Variants in RARS2 observed in about 807,000 individuals in gnomAD.
RARS2 encodes probable arginine--tRNA ligase, mitochondrial.
In RARS2, 67 loss-of-function variants were observed where a neutral mutation model predicts 88.5. The ratio of observed to expected loss-of-function variants is 0.76; its 90% CI spans 0.62 to 0.93. The LOEUF is 0.93. Ranked by LOEUF, RARS2 falls within the 40% of genes least tolerant of loss-of-function variation. The probability of loss-of-function intolerance (pLI) is 0.00; values close to 1 mark genes in which losing one functional copy is unlikely to be tolerated. For missense variants in RARS2, 664 were observed against 684.2 expected (o/e 0.97, Z 0.33); for synonymous variants, 239 against 230.3 (o/e 1.04, Z -0.34).
At chr6:87,542,395 A>T (rs997493288) in intron 7 of RARS2, among the ~76,000 whole-genome samples, 8 of 152,196 alleles carry the variant, frequency 5.3e-5, no homozygotes, top group African/African-American at 1.7e-4. Context: ...AAAATTTATT[A>T]AAAAAACTGA....
intron 8 of RARS2, among the ~76,000 whole-genome samples, chr6:87,539,369 C>T (rs1780192476): frequency 6.6e-6 from 1 of 152,210 alleles, no homozygotes. Flanking sequence ...CCTGTCATAA[C>T]ATCCTTAAAT....
intron 18 of RARS2, 83 bp downstream of exon 18, chr6:87,516,723 G>T: frequency 6.4e-7 from 1 of 1,571,592 alleles, no homozygotes. Flanking sequence ...TTTAGGCCAA[G>T]GAATTTGTTT....
chr6:87,577,500 T>C (rs1287278470), intron 1 of RARS2, among the ~76,000 whole-genome samples: 1 of 152,176 alleles, frequency 6.6e-6, no homozygotes, highest in Non-Finnish European at 1.5e-5. Flanking sequence ...CTCAGTCTTA[T>C]TTCTAAACAT....
chr6:87,559,437 T>G (rs910048793), intron 4 of RARS2, among the ~76,000 whole-genome samples: 12 of 125,168 alleles, frequency 9.6e-5, no homozygotes, highest in Non-Finnish European at 1.6e-4. Context: ...CACTCCAGCC[T>G]GGGCAACAAG....
intron 1 of RARS2, among the ~76,000 whole-genome samples, chr6:87,583,254 A>G (rs1774145960): frequency 6.6e-6 from 1 of 152,202 alleles, no homozygotes; most frequent in Non-Finnish European, 1.5e-5. Flanking sequence ...AACTTTTTAT[A>G]AGTCTGAAAT....
chr6:87,550,438 TA>T (rs1309166554), intron 5 of RARS2, among the ~76,000 whole-genome samples: 2 of 151,976 alleles, frequency 1.3e-5, no homozygotes. Context: ...TTTAAATCAA[TA>T]ATCTGAGCTT....
chr6:87,571,205 T>C lies in RARS2; in HGVS notation c.37-1615A>G, dbSNP rs1271927108. Among the ~76,000 whole-genome samples the C allele has an allele frequency of 2.6e-5, 4 of 152,198 alleles. No homozygotes were observed. In the East Asian group the frequency reaches 7.7e-4, roughly 29 times the overall value. Reference sequence around the variant, plus strand: ...TTCTGTTTTCGTGACAGTGAGTTAGTTCTCACGAGATCTGATGGTTTTAAA... The same window carrying C: ...TTCTGTTTTCGTGACAGTGAGTTAGCTCTCACGAGATCTGATGGTTTTAAA... On this transcript the variant is annotated intron_variant, in intron 1 of 19. Transcript: ENST00000369536.
chr6:87,589,509 G>A (rs889481773), intron 1 of RARS2, among the ~76,000 whole-genome samples: 3 of 152,152 alleles, frequency 2.0e-5, no homozygotes, highest in African/African-American at 7.2e-5. Context: ...GGCTGCCTAA[G>A]TGACTGCAAG....
intron 5 of RARS2, 88 bp from the exon 6 acceptor site, chr6:87,548,734 CTG>C: frequency 1.6e-6 from 2 of 1,244,724 alleles, no homozygotes; most frequent in Non-Finnish European, 2.3e-6. Flanking sequence ...TTTGACAAAA[CTG>C]TGGAGTATGG....
chr6:87,589,116 A>G (rs1349368893), intron 1 of RARS2, among the ~76,000 whole-genome samples: 3 of 152,252 alleles, frequency 2.0e-5, no homozygotes, highest in Non-Finnish European at 4.4e-5. Flanking sequence ...TAGTACATCC[A>G]TTAATCAGAA....
At chr6:87,564,563 G>A in intron 2 of RARS2, 1 of 373,942 alleles carries the variant, frequency 2.7e-6, no homozygotes, top group Non-Finnish European at 5.1e-6. Flanking sequence ...CAGCTGCTTG[G>A]GAGACTGAGG....
chr6:87,519,402 G>T (rs181054843), intron 14 of RARS2, among the ~76,000 whole-genome samples, 181 bp downstream of exon 14: 1 of 152,108 alleles, frequency 6.6e-6, no homozygotes, highest in East Asian at 1.9e-4. Context: ...TTATTGAAGT[G>T]ACCAATTCCT....
chr6:87,572,321 T>C (rs1770022868), intron 1 of RARS2, among the ~76,000 whole-genome samples: 1 of 152,212 alleles, frequency 6.6e-6, no homozygotes. Flanking sequence ...AAAAGTTTGT[T>C]TATTTTGGAC....
chr6:87,575,225 G>GCGCACA (rs137938502), intron 1 of RARS2, among the ~76,000 whole-genome samples: 3 of 114,562 alleles, frequency 2.6e-5, no homozygotes, highest in Non-Finnish European at 5.4e-5. Context: ...AAAATAGAAA[G>GCGCACA]CACACACACA....
chr6:87,539,752 C>A (rs929069267), intron 8 of RARS2, among the ~76,000 whole-genome samples: 1 of 152,136 alleles, frequency 6.6e-6, no homozygotes, highest in African/African-American at 2.4e-5. Flanking sequence ...GGCGAGTGTA[C>A]CCTTTCTGCA....
intron 5 of RARS2, among the ~76,000 whole-genome samples, chr6:87,551,626 C>CCAAA (rs1554200913): frequency 1.5e-5 from 1 of 65,166 alleles, no homozygotes; most frequent in Non-Finnish European, 2.6e-5. Flanking sequence ...TCCGTCTCAA[C>CCAAA]AAAAAAAAAA....
Position 87,518,273 on chromosome 6 carries a change from A to G in RARS2, c.1416-9T>C, listed in dbSNP as rs766232295. On this transcript the variant is annotated splice_polypyrimidine_tract_variant and intron_variant, in intron 16 of 19. Transcript: ENST00000369536. ...CAAAAGTCTCTTCCAAACTTATCAA[A>G]AGTTTAAAGTTAAAAACATCAAAAG... 2 of 1,614,164 alleles carry G rather than the reference A, an allele frequency of 1.2e-6. No homozygotes were observed. The highest frequency in any genetic ancestry group is 2.2e-5 in the South Asian group (2 of 91,090).
chr6:87,583,828 G>A (rs1774327484), intron 1 of RARS2, among the ~76,000 whole-genome samples: 1 of 152,098 alleles, frequency 6.6e-6, no homozygotes, highest in Non-Finnish European at 1.5e-5. Flanking sequence ...TTCCTTTCAT[G>A]TTCCTGAATC....
Position 87,555,145 on chromosome 6 carries a change from A to AAATAAATG in RARS2, c.395+262_395+263insCATTTATT, listed in dbSNP as rs1299167597. 1.3e-4 allele frequency among the ~76,000 whole-genome samples: 20 copies of AAATAAATG among 150,346 alleles called. 1 individual carries two copies. The South Asian group carries it at 3.1e-3, about 24-fold the overall frequency. On this transcript the variant is annotated intron_variant, in intron 5 of 19. Transcript: ENST00000369536. ...TAAATAAATAAATAAATAAATAAAT[A>AAATAAATG]AAGTGAATAACTAGTTCTTCCAAAA...
Sources: gnomAD v4.1 joint callset for allele counts (sites outside exome capture counted in the v4.1 genomes callset) on GRCh38, gnomAD v4.1.1 for gene constraint, MANE v1.5 for transcripts, NCBI Gene and HGNC (gene_info 2026-07-23, HGNC 2026-07-21) for gene names.